The following PCOLCE2 variants were observed in gnomAD, a reference collection of about 807,000 sequenced individuals.
PCOLCE2 encodes the protein procollagen C-proteinase enhancer 2.
A neutral mutation model predicts 47.0 loss-of-function variants in PCOLCE2; 42 were observed. The ratio of observed to expected loss-of-function variants is 0.89; its 90% CI spans 0.70 to 1.16. The LOEUF (loss-of-function observed/expected upper bound fraction) is 1.16, where lower values mean the gene tolerates loss of function less well. Among genes scored for constraint, PCOLCE2 ranks in the 50% most tolerant of loss-of-function variants. The pLI is 0.00. For synonymous variants in PCOLCE2, 169 were observed against 191.7 expected, an observed-to-expected ratio of 0.88 and a Z score of 0.98; for missense variants, 500 against 526.1, an observed-to-expected ratio of 0.95 and a Z score of 0.49.
Position 142,842,809 on chromosome 3 carries a change from G to A in PCOLCE2, c.573+115C>T. Reference sequence around the variant, plus strand: ...TGTGTCCAGGAACCTTCCTCTTCTTGTATCCCTTAGCTCTCGAATAGCCCC... The same window carrying A: ...TGTGTCCAGGAACCTTCCTCTTCTTATATCCCTTAGCTCTCGAATAGCCCC... On this transcript the variant is annotated intron_variant, in intron 4 of 8. Transcript: ENST00000295992. The surrounding 1 kb of genome is among the most constrained non-coding windows in gnomAD (Gnocchi z 4.1). 2 of 933,420 alleles carry A rather than the reference G, an allele frequency of 2.1e-6. No individual in the cohort carries two copies. Among genetic ancestry groups the A allele is most frequent in the Non-Finnish European group, 3.3e-6 (2 of 604,836 alleles). 57.8% of individuals were successfully genotyped at this position (933,420 alleles called of 1,614,324 possible).
intron 2 of PCOLCE2, among the ~76,000 whole-genome samples, chr3:142,857,779 T>C (rs914105608): frequency 6.6e-6 from 1 of 152,136 alleles, no homozygotes; most frequent in African/African-American, 2.4e-5. Context: ...TGAACAGCTG[T>C]TGAAGGAATA....
intron 2 of PCOLCE2, among the ~76,000 whole-genome samples, chr3:142,859,222 C>T (rs999591790): frequency 7.9e-5 from 12 of 151,910 alleles, no homozygotes; most frequent in African/African-American, 2.7e-4. Flanking sequence ...ACTATCATGA[C>T]CAGCTAATTT....
intron 2 of PCOLCE2, among the ~76,000 whole-genome samples, chr3:142,854,384 T>C (rs1372186330): frequency 6.6e-6 from 1 of 152,164 alleles, no homozygotes; most frequent in Non-Finnish European, 1.5e-5. Context: ...CCCATGGACC[T>C]CCAAAGGTAG....
At chr3:142,843,768 A>G (rs1457100428) in intron 3 of PCOLCE2, among the ~76,000 whole-genome samples, 1 of 152,138 alleles carries the variant, frequency 6.6e-6, no homozygotes, top group Non-Finnish European at 1.5e-5. Context: ...TTGAATGTAA[A>G]TAACAAATAA....
chr3:142,821,152 G>A, intron 7 of PCOLCE2, 107 bp from the exon 8 acceptor site: 1 of 892,392 alleles, frequency 1.1e-6, no homozygotes. Context: ...ACATTTTAAT[G>A]TTAAAGAAAA....
chr3:142,884,922 T>C (rs565250439), intron 2 of PCOLCE2, among the ~76,000 whole-genome samples: 1 of 152,378 alleles, frequency 6.6e-6, no homozygotes, highest in South Asian at 2.1e-4. Flanking sequence ...AGCACTTGAA[T>C]GTGGCTAGTA....
chr3:142,828,686 T>G (rs1937112553), intron 6 of PCOLCE2, among the ~76,000 whole-genome samples: 1 of 152,186 alleles, frequency 6.6e-6, no homozygotes. Flanking sequence ...ACAGTCACAT[T>G]GTGTCCAGGA....
At chr3:142,883,015 A>T (rs1933655140) in intron 2 of PCOLCE2, among the ~76,000 whole-genome samples, 1 of 151,880 alleles carries the variant, frequency 6.6e-6, no homozygotes, top group Admixed American at 6.6e-5. Context: ...CCTGGCTAAG[A>T]TGGTGAAACC....
At chr3:142,869,270 G>A (rs1221499679) in intron 2 of PCOLCE2, among the ~76,000 whole-genome samples, 2 of 150,948 alleles carry the variant, frequency 1.3e-5, no homozygotes, top group Non-Finnish European at 2.9e-5. Context: ...CAGCCTGGGC[G>A]ACAGAGTGAG....
intron 6 of PCOLCE2, chr3:142,827,228 C>T: frequency 8.1e-7 from 1 of 1,230,266 alleles, no homozygotes; most frequent in Non-Finnish European, 1.2e-6. Flanking sequence ...CTGGTGGTTG[C>T]CACCTCCAAA....
At chr3:142,837,256 G>A (rs1560132405) in intron 5 of PCOLCE2, among the ~76,000 whole-genome samples, 11 of 152,200 alleles carry the variant, frequency 7.2e-5, no homozygotes, top group Non-Finnish European at 1.5e-5. Context: ...TCCAGTGTCT[G>A]GCTTCCAGAA....
At chr3:142,874,504 T>A (rs1026511480) in intron 2 of PCOLCE2, among the ~76,000 whole-genome samples, 17 of 152,170 alleles carry the variant, frequency 1.1e-4, no homozygotes, top group African/African-American at 4.1e-4. Context: ...AAACCGTGAG[T>A]CAATTAAAAC....
chr3:142,855,432 T>A (rs774144034), intron 2 of PCOLCE2, among the ~76,000 whole-genome samples: 5 of 152,188 alleles, frequency 3.3e-5, no homozygotes, highest in African/African-American at 7.2e-5. Flanking sequence ...ATTATTAAGA[T>A]CCTTACGGGG....
chr3:142,845,408 A>G (rs1239498933), intron 3 of PCOLCE2, among the ~76,000 whole-genome samples: 2 of 152,246 alleles, frequency 1.3e-5, no homozygotes, highest in African/African-American at 2.4e-5. Context: ...TGTTTTGAAC[A>G]GATACATGTA....
rs1404015996 is a variant in PCOLCE2, at chr3:142,827,423, T to C, written c.865+2269A>G. 5 of 1,565,140 alleles carry C rather than the reference T, an allele frequency of 3.2e-6. No homozygotes were observed. The African/African-American group carries it at 6.8e-5, about 21-fold the overall frequency. ...AACCTTCTTGGAGCCAGAGGGCAGC[T>C]TCACACGGGTCTTCTTGGTCTCAGG... is the stretch of plus-strand genomic sequence containing the variant. On this transcript the variant is annotated intron_variant, in intron 6 of 8. Coordinates refer to ENST00000295992, the MANE Select transcript of PCOLCE2 (RefSeq NM_013363.4).
At chr3:142,832,159 A>C (rs1383195709) in intron 5 of PCOLCE2, among the ~76,000 whole-genome samples, 16 of 151,806 alleles carry the variant, frequency 1.1e-4, no homozygotes. Flanking sequence ...ATGTCCTGCC[A>C]TTTTTGCCTC....
At chr3:142,845,472 T>C (rs1937316879) in intron 3 of PCOLCE2, among the ~76,000 whole-genome samples, 1 of 152,236 alleles carries the variant, frequency 6.6e-6, no homozygotes, top group Non-Finnish European at 1.5e-5. Flanking sequence ...ATTTACTATT[T>C]CCAATGACCT....
At position 142,818,270 on chromosome 3, in the gene PCOLCE2, A is replaced by T; in HGVS notation, c.*65T>A. 6 of 1,410,272 alleles carry T rather than the reference A, an allele frequency of 4.3e-6. No homozygotes were observed. In the Admixed American group the frequency reaches 7.6e-5, roughly 18 times the overall value. The allele number at this position is 1,410,272 out of a possible 1,614,324, so 87.4% of individuals were successfully genotyped here. On this transcript the variant is annotated 3_prime_UTR_variant, in exon 9 of 9. Coordinates refer to ENST00000295992, the MANE Select transcript of PCOLCE2 (RefSeq NM_013363.4). ...TAATTTTATAAGTATTTTTTTTTCT[A>T]CTGAGAGAACATAGATCTTTCAAAG... is the stretch of plus-strand genomic sequence containing the variant.
chr3:142,882,594 A>ATTTTTTTTTTTTTTTTTTTTTTTTTT, intron 2 of PCOLCE2, among the ~76,000 whole-genome samples: 1 of 151,322 alleles, frequency 6.6e-6, no homozygotes, highest in African/African-American at 2.5e-5. Context: ...ATTATACTTT[A>ATTTTTTTTTTTTTTTTTTTTTTTTTT]GAGAAGAGGT....
Sources: gnomAD v4.1 joint callset for allele counts (sites outside exome capture counted in the v4.1 genomes callset) on GRCh38, gnomAD v4.1.1 for gene constraint, Gnocchi (gnomAD v3.1) non-coding constraint, MANE v1.5 for transcripts, NCBI Gene and HGNC (gene_info 2026-07-23, HGNC 2026-07-21) for gene names.